The following NELL2 variants were observed in gnomAD, a reference collection of about 807,000 sequenced individuals.
NELL2 encodes the protein protein kinase C-binding protein NELL2.
Under a neutral mutation model 109.6 loss-of-function variants are expected in NELL2, and 41 were observed. The ratio of observed to expected loss-of-function variants is 0.37; its 90% CI spans 0.29 to 0.49. The LOEUF is 0.49. NELL2 is among the 20% of genes least tolerant of loss of function. The probability of loss-of-function intolerance (pLI) is 0.98; values close to 1 mark genes in which losing one functional copy is unlikely to be tolerated. For missense variants in NELL2, 900 were observed against 1,008.3 expected (o/e 0.89, Z 1.45); for synonymous variants, 355 against 344.7 (o/e 1.03, Z -0.33).
At chr12:44,714,483 A>G (rs565209853) in intron 10 of NELL2, among the ~76,000 whole-genome samples, 167 bp downstream of exon 10, 8 of 152,066 alleles carry the variant, frequency 5.3e-5, no homozygotes, top group Non-Finnish European at 1.2e-4. Flanking sequence ...ACTAATTTAC[A>G]TGCTTAAAAA....
At chr12:44,719,090 A>C (rs79076460) in intron 9 of NELL2, among the ~76,000 whole-genome samples, 7,182 of 152,254 alleles carry the variant, frequency 0.047, 557 homozygotes, top group African/African-American at 0.16. Context: ...CAAAAAAATC[A>C]ATTAATAAAA....
At chr12:44,849,931 C>T (rs1395397) in intron 2 of NELL2, among the ~76,000 whole-genome samples, 21,224 of 152,044 alleles carry the variant, frequency 0.14, 1,790 homozygotes, top group East Asian at 0.23. Context: ...CCAAATATAG[C>T]AAAACTAGTC....
chr12:44,809,424 C>A (rs912603818), intron 3 of NELL2, among the ~76,000 whole-genome samples: 1 of 152,016 alleles, frequency 6.6e-6, no homozygotes, highest in Non-Finnish European at 1.5e-5. Context: ...TGAGAGAACT[C>A]CTTTAATCAG....
chr12:44,705,398 C>A (rs985874542), intron 11 of NELL2, among the ~76,000 whole-genome samples: 17 of 152,204 alleles, frequency 1.1e-4, no homozygotes, highest in African/African-American at 3.9e-4. Flanking sequence ...TAGTCAATAA[C>A]AGCATTTAAA....
At chr12:44,806,907 C>T (rs1943020190) in intron 3 of NELL2, among the ~76,000 whole-genome samples, 1 of 151,260 alleles carries the variant, frequency 6.6e-6, no homozygotes, top group Non-Finnish European at 1.5e-5. Context: ...GGGAGAGATA[C>T]AAAAATGGTG....
At chr12:44,535,341 A>T (rs1160041777) in intron 15 of NELL2, among the ~76,000 whole-genome samples, 1 of 151,922 alleles carries the variant, frequency 6.6e-6, no homozygotes, top group East Asian at 1.9e-4. Flanking sequence ...AATTAAAAAA[A>T]CTCTTAAGTT....
chr12:44,863,427 A>G (rs1944898777), intron 2 of NELL2, among the ~76,000 whole-genome samples: 1 of 152,238 alleles, frequency 6.6e-6, no homozygotes, highest in African/African-American at 2.4e-5. Context: ...CAAATCACAT[A>G]TAAAGGAGTT....
At chr12:44,512,826 G>A (rs1035024124) in intron 19 of NELL2, among the ~76,000 whole-genome samples, 1 of 151,974 alleles carries the variant, frequency 6.6e-6, no homozygotes. Context: ...GGGGAGAGGA[G>A]GATAGGAAGA....
intron 2 of NELL2, among the ~76,000 whole-genome samples, chr12:44,824,655 A>G (rs879428986): frequency 1.5e-5 from 2 of 136,880 alleles, no homozygotes; most frequent in Admixed American, 1.4e-4. Context: ...ACAGTTTTGT[A>G]GTGTTATTTA....
intron 9 of NELL2, among the ~76,000 whole-genome samples, chr12:44,744,572 A>C (rs1940209734): frequency 6.6e-6 from 1 of 152,186 alleles, no homozygotes; most frequent in Non-Finnish European, 1.5e-5. Flanking sequence ...ATAAAGAAGA[A>C]AAGAGAGAAG....
chr12:44,779,462 T>C (rs2136596914), intron 5 of NELL2, among the ~76,000 whole-genome samples: 1 of 152,098 alleles, frequency 6.6e-6, no homozygotes, highest in South Asian at 2.1e-4. Context: ...CTGTAATATC[T>C]AACAATTAAA....
At chr12:44,687,061 C>A (rs919064141) in intron 12 of NELL2, among the ~76,000 whole-genome samples, 3 of 152,186 alleles carry the variant, frequency 2.0e-5, no homozygotes, top group African/African-American at 7.2e-5. Context: ...AGCGAGACTC[C>A]ACGGGCATAG....
At chr12:44,545,837 A>G (rs943817860) in intron 15 of NELL2, among the ~76,000 whole-genome samples, 1 of 152,122 alleles carries the variant, frequency 6.6e-6, no homozygotes, top group Non-Finnish European at 1.5e-5. Flanking sequence ...TAATCAAGGT[A>G]AAGCCAGGAA....
chr12:44,550,592 T>TAAA, intron 15 of NELL2, among the ~76,000 whole-genome samples: 1 of 150,430 alleles, frequency 6.6e-6, no homozygotes, highest in Admixed American at 6.6e-5. Context: ...AATAAATAAA[T>TAAA]AGCCGAGTTA....
chr12:44,721,976 G>A (rs1938798087), intron 9 of NELL2, among the ~76,000 whole-genome samples: 2 of 151,966 alleles, frequency 1.3e-5, no homozygotes, highest in South Asian at 4.2e-4. Context: ...CAAGCTCTGT[G>A]TAGAGTAAGA....
At chr12:44,550,773 T>C (rs1465315683) in intron 15 of NELL2, among the ~76,000 whole-genome samples, 1 of 152,054 alleles carries the variant, frequency 6.6e-6, no homozygotes, top group Non-Finnish European at 1.5e-5. Context: ...CACAGAAAGA[T>C]AAGTGCTGTA....
chr12:44,873,841 G>T (rs1328254916), intron 2 of NELL2, among the ~76,000 whole-genome samples: 1 of 151,704 alleles, frequency 6.6e-6, no homozygotes, highest in Non-Finnish European at 1.5e-5. Context: ...ATTATATTTG[G>T]TCATTGTTTT....
In NELL2 at chr12:44,875,903, TTAAAAA is replaced by T. The variant is rs1425394864; in HGVS notation, c.-40_-35del. On this transcript the variant is annotated 5_prime_UTR_variant, in exon 1 of 20. Transcript: ENST00000429094. The stretch of plus-strand genomic sequence containing the variant: ...TCAGCTCAGTCCATCGTCTCCCTCT[TTAAAAA>T]TAAAAATAAAAATCGAAGAGGTTCT... 6.2e-7 allele frequency: 1 copy of T among 1,613,418 alleles called. No homozygotes were observed.
In NELL2 at chr12:44,521,705, G is replaced by T. The variant is rs536956073; in HGVS notation, c.2175+295C>A. 2.6e-5 allele frequency among the ~76,000 whole-genome samples: 4 copies of T among 152,196 alleles called. 1 individual carries two copies. In the South Asian group the frequency reaches 8.3e-4, roughly 32 times the overall value. ...TCTTTAAGTTAGCCTAAACAGGATA[G>T]GAATGGGGAAGCTAGGAGAGTCTTT... On this transcript the variant is annotated intron_variant, in intron 18 of 19. Coordinates refer to ENST00000429094, the MANE Select transcript of NELL2 (RefSeq NM_001145108.2).
Sources: gnomAD v4.1 joint callset for allele counts (sites outside exome capture counted in the v4.1 genomes callset) on GRCh38, gnomAD v4.1.1 for gene constraint, MANE v1.5 for transcripts, NCBI Gene and HGNC (gene_info 2026-07-23, HGNC 2026-07-21) for gene names.